SMURF2: variants seen among roughly 807,000 people sequenced by gnomAD.
SMURF2 encodes SMAD specific E3 ubiquitin protein ligase 2, also known as E3 ubiquitin-protein ligase SMURF2.
SMURF2 carries 48 observed loss-of-function variants against 109.6 expected under a neutral mutation model. The observed-to-expected ratio is 0.44, with a 90% CI of 0.35 to 0.56. SMURF2 has a LOEUF of 0.56. SMURF2 is among the 20% of genes least tolerant of loss of function. The pLI, the probability that SMURF2 is intolerant of heterozygous loss-of-function variation, is 0.01. For missense variants in SMURF2, 575 were observed against 909.0 expected (o/e 0.63, Z 4.72); for synonymous variants, 288 against 317.1 (o/e 0.91, Z 0.97).
chr17:64,661,726 A>G (rs989610878), intron 1 of SMURF2, 103 bp downstream of exon 1: 72 of 789,114 alleles, frequency 9.1e-5, no homozygotes, highest in Non-Finnish European at 1.1e-4. Context: ...CCGACCCCCA[A>G]CTCATCATTG....
At chr17:64,627,306 G>T (rs1377951057) in intron 1 of SMURF2, among the ~76,000 whole-genome samples, 1 of 151,896 alleles carries the variant, frequency 6.6e-6, no homozygotes, top group East Asian at 1.9e-4. Flanking sequence ...AGTAGAGATG[G>T]GGTTTCGTCT....
At chr17:64,589,071 A>G (rs782147735) in intron 5 of SMURF2, among the ~76,000 whole-genome samples, 2 of 152,210 alleles carry the variant, frequency 1.3e-5, no homozygotes, top group East Asian at 3.8e-4. Context: ...CTAAAGAATC[A>G]TAATGTTTGA....
intron 1 of SMURF2, among the ~76,000 whole-genome samples, chr17:64,641,991 G>C (rs1169205490): frequency 6.6e-6 from 1 of 152,128 alleles, no homozygotes; most frequent in East Asian, 1.9e-4. Flanking sequence ...TATTTTAGTA[G>C]AAACAGGGTT....
intron 7 of SMURF2, among the ~76,000 whole-genome samples, chr17:64,582,582 T>TTTTTA (rs138605340): frequency 3.3e-5 from 5 of 152,108 alleles, no homozygotes; most frequent in Admixed American, 2.0e-4. Context: ...ATTCATTCGA[T>TTTTTA]TTTTATTTTA....
At chr17:64,578,626 C>A in intron 8 of SMURF2, 50 bp from the exon 9 acceptor site, 1 of 1,259,278 alleles carries the variant, frequency 7.9e-7, no homozygotes, top group South Asian at 1.2e-5. Flanking sequence ...GTGTCCAGAT[C>A]AAAGACAGTT....
chr17:64,558,869 G>A (rs1268364034), intron 12 of SMURF2, among the ~76,000 whole-genome samples: 4 of 152,128 alleles, frequency 2.6e-5, no homozygotes, highest in Non-Finnish European at 5.9e-5. Context: ...GGCTAGGGAA[G>A]GTTATTTAAA....
chr17:64,614,020 G>A (rs116183308), intron 1 of SMURF2, among the ~76,000 whole-genome samples: 4,650 of 151,778 alleles, frequency 0.031, 231 homozygotes, highest in African/African-American at 0.11. Context: ...TTCACAGTAG[G>A]GTTAACACTC....
rs782730561 is a variant in SMURF2, at chr17:64,555,915, T to G, written c.1515A>C (p.Thr505=). 2 of 1,613,768 alleles carry G rather than the reference T, an allele frequency of 1.2e-6. No homozygotes were observed. Among genetic ancestry groups the G allele is most frequent in the Non-Finnish European group, 8.5e-7 (1 of 1,179,788 alleles). ...FHGHYIDGGF[T]LPFYKQLLGK... ...CAAGCAATTGCTTATAAAAAGGCAATGTGAAACCACCATCAATATAATGTC... is the reference window on the plus strand; with the variant it reads ...CAAGCAATTGCTTATAAAAAGGCAAGGTGAAACCACCATCAATATAATGTC... Residue 505 remains threonine, a synonymous_variant, in exon 14 of 19, where the codon ACA becomes ACC. Coordinates refer to ENST00000262435, the MANE Select transcript of SMURF2 (RefSeq NM_022739.4).
intron 10 of SMURF2, 37 bp from the exon 11 acceptor site, chr17:64,563,003 C>T (rs1568175447): frequency 5.3e-6 from 8 of 1,519,892 alleles, no homozygotes; most frequent in Non-Finnish European, 7.1e-6. Flanking sequence ...TAAAGTATAT[C>T]AAATTTTAAA....
At position 64,547,375 on chromosome 17, in the gene SMURF2, C is replaced by CT. The variant is rs1392161638; in HGVS notation, c.2071+224dup. 6.6e-6 allele frequency among the ~76,000 whole-genome samples: 1 copy of CT among 152,140 alleles called. No individual in the cohort carries two copies. The highest frequency in any genetic ancestry group is 2.4e-5 in the African/African-American group (1 of 41,408). ...AAGGCAGAGCATCACCACGTACGGT[C>CT]TCTAGCATGCGGCACTCACTACAAT... On this transcript the variant is annotated intron_variant, in intron 17 of 18. Transcript: ENST00000262435. The surrounding 1 kb of genome is among the most constrained non-coding windows in gnomAD (Gnocchi z 4.2).
chr17:64,567,063 G>A (rs1969324903), intron 10 of SMURF2, among the ~76,000 whole-genome samples: 1 of 151,238 alleles, frequency 6.6e-6, no homozygotes, highest in South Asian at 2.1e-4. Context: ...TTGTCATGTT[G>A]GCCAGGCTGA....
In SMURF2 at chr17:64,547,558, C is replaced by T; in HGVS notation, c.2071+42G>A. 2 of 1,573,704 alleles carry T rather than the reference C, an allele frequency of 1.3e-6. No individual in the cohort carries two copies. The highest frequency in any genetic ancestry group is 1.1e-5 in the South Asian group (1 of 90,278). ...CACAGACCCCACGCTGACAGCCCCG[C>T]CCCCACCCGCTGCCCAGCTTGCCTG... On this transcript the variant is annotated intron_variant, in intron 17 of 18. Coordinates refer to ENST00000262435, the MANE Select transcript of SMURF2 (RefSeq NM_022739.4). The surrounding 1 kb of genome is among the most constrained non-coding windows in gnomAD (Gnocchi z 4.2).
intron 13 of SMURF2, among the ~76,000 whole-genome samples, chr17:64,556,784 T>C (rs146277340): frequency 7.9e-5 from 12 of 152,360 alleles, no homozygotes; most frequent in Non-Finnish European, 1.6e-4. Flanking sequence ...TAGATGTTTG[T>C]ATTTTTAAAT....
chr17:64,595,186 C>T (rs1969801365), intron 3 of SMURF2, among the ~76,000 whole-genome samples: 1 of 152,126 alleles, frequency 6.6e-6, no homozygotes, highest in Admixed American at 6.6e-5. Flanking sequence ...GGAAGCTCTA[C>T]ATTAAATCAT....
chr17:64,595,538 A>G (rs1969805006), intron 3 of SMURF2, among the ~76,000 whole-genome samples: 1 of 152,230 alleles, frequency 6.6e-6, no homozygotes, highest in South Asian at 2.1e-4. Context: ...TTTTGTTGAA[A>G]GGGAGAGAGG....
chr17:64,570,514 G>A (rs1201090450), intron 10 of SMURF2, among the ~76,000 whole-genome samples: 1 of 152,158 alleles, frequency 6.6e-6, no homozygotes, highest in East Asian at 1.9e-4. Flanking sequence ...TCTTCAGAAG[G>A]CAATGCTAAT....
Position 64,580,902 on chromosome 17 carries a change from C to T in SMURF2, c.659G>A (p.Cys220Tyr). 1.2e-6 allele frequency: 2 copies of T among 1,614,170 alleles called. No homozygotes were observed. The highest frequency in any genetic ancestry group is 8.5e-7 in the Non-Finnish European group (1 of 1,180,026). ...CAGCCTGGGATCTGAAGACTGTCCA[C>T]ATGTTGCACCATTTGTTCCACTAAT... is the stretch of plus-strand genomic sequence containing the variant. ...TPISGTNGATCGQSSDPRLAE... is the reference protein window; with the variant it reads ...TPISGTNGATYGQSSDPRLAE... Residue 220 changes from cysteine (C) to tyrosine (Y), a missense_variant, in exon 8 of 19, where the codon TGT (cysteine) becomes TAT (tyrosine). Physicochemically the swap from Cys to Tyr is radical, Grantham distance 194. Around this residue, in one of 5 missense-constraint regions of SMURF2, gnomAD observed 151 missense variants for 178.4 expected, o/e 0.85. Coordinates refer to ENST00000262435, the MANE Select transcript of SMURF2 (RefSeq NM_022739.4).
intron 10 of SMURF2, among the ~76,000 whole-genome samples, chr17:64,570,701 T>TC (rs1246300805): frequency 4.6e-5 from 7 of 152,198 alleles, no homozygotes; most frequent in Non-Finnish European, 8.8e-5. Context: ...CCTCTATACC[T>TC]CAGTTTCCTC....
chr17:64,576,940 G>A (rs1365299606), intron 9 of SMURF2, among the ~76,000 whole-genome samples: 2 of 137,966 alleles, frequency 1.4e-5, no homozygotes, highest in South Asian at 2.2e-4. Context: ...CAGTGCAGTG[G>A]TGTGATCTCA....
Sources: allele counts gnomAD v4.1 joint callset (sites outside exome capture counted in the v4.1 genomes callset), GRCh38; gene constraint gnomAD v4.1.1; regional missense constraint gnomAD v4.1.1; non-coding constraint Gnocchi (gnomAD v3.1); transcripts MANE v1.5; gene names NCBI Gene and HGNC (gene_info 2026-07-23, HGNC 2026-07-21).